NKAIN2: variants seen among roughly 807,000 people sequenced by gnomAD.
NKAIN2 encodes sodium/potassium transporting ATPase interacting 2, also known as sodium/potassium-transporting ATPase subunit beta-1-interacting protein 2.
Under a neutral mutation model 32.6 loss-of-function variants are expected in NKAIN2, and 14 were observed. The ratio of observed to expected loss-of-function variants is 0.43; its 90% CI spans 0.28 to 0.67. NKAIN2 has a LOEUF of 0.67. Ranked by LOEUF, NKAIN2 falls within the 30% of genes least tolerant of loss-of-function variation. The probability of loss-of-function intolerance (pLI) is 0.17; values close to 1 mark genes in which losing one functional copy is unlikely to be tolerated. For missense variants in NKAIN2, 198 were observed against 258.3 expected (o/e 0.77, Z 1.60); for synonymous variants, 80 against 87.2 (o/e 0.92, Z 0.46).
At chr6:124,596,721 A>G (rs992154508) in intron 3 of NKAIN2, among the ~76,000 whole-genome samples, 1 of 151,774 alleles carries the variant, frequency 6.6e-6, no homozygotes, top group Non-Finnish European at 1.5e-5. Context: ...TAATGTATAT[A>G]CAAATAAATA....
rs887032537 is a variant in NKAIN2, at chr6:124,240,580, G to A, written c.55-42425G>A. 4.6e-5 allele frequency among the ~76,000 whole-genome samples: 7 copies of A among 152,096 alleles called. No homozygotes were observed. In the East Asian group the frequency reaches 1.4e-3, roughly 29 times the overall value. On this transcript the variant is annotated intron_variant, in intron 1 of 6. Coordinates refer to ENST00000368417, the MANE Select transcript of NKAIN2 (RefSeq NM_001040214.3). The stretch of plus-strand genomic sequence containing the variant: ...GTCAGCTTCATCCCTGGGATGTGAG[G>A]CTGGTTCAACATACACTAATCAATA...
intron 2 of NKAIN2, among the ~76,000 whole-genome samples, chr6:124,290,784 T>C (rs929363042): frequency 1.3e-5 from 2 of 152,064 alleles, no homozygotes; most frequent in African/African-American, 4.8e-5. Context: ...TTGATATTCA[T>C]TCTGTTTTAA....
intron 1 of NKAIN2, among the ~76,000 whole-genome samples, chr6:124,095,563 A>G (rs565199273): frequency 6.6e-6 from 1 of 152,174 alleles, no homozygotes; most frequent in African/African-American, 2.4e-5. Flanking sequence ...TAATTTTAAC[A>G]TGATGTGTAC....
intron 1 of NKAIN2, among the ~76,000 whole-genome samples, chr6:124,212,022 T>C (rs1265650798): frequency 6.6e-6 from 1 of 152,104 alleles, no homozygotes; most frequent in Non-Finnish European, 1.5e-5. Flanking sequence ...TTGTGGGATT[T>C]ACAGTTTATT....
chr6:124,301,887 G>T (rs562599074), intron 2 of NKAIN2, among the ~76,000 whole-genome samples: 131 of 152,310 alleles, frequency 8.6e-4, no homozygotes, highest in African/African-American at 3.2e-3. Flanking sequence ...TTGGACTGTG[G>T]ACTTTTGAGT....
intron 5 of NKAIN2, among the ~76,000 whole-genome samples, chr6:124,811,107 T>C (rs1780887529): frequency 6.6e-6 from 1 of 152,176 alleles, no homozygotes; most frequent in South Asian, 2.1e-4. Flanking sequence ...TAAGTACCCT[T>C]GGAATTCATA....
intron 2 of NKAIN2, among the ~76,000 whole-genome samples, chr6:124,336,062 A>G (rs1583068378): frequency 1.3e-5 from 2 of 152,358 alleles, no homozygotes; most frequent in East Asian, 1.9e-4. Flanking sequence ...TCATAAAAAT[A>G]TAAAATACCA....
In NKAIN2 at chr6:124,745,723, T is replaced by C. The variant is rs368985291; in HGVS notation, c.475-45616T>C. Reference sequence around the variant, plus strand: ...TATGAATTTTACTGTTATTTCTCAATTGTGTTTCTGTGTATTCTTTAGACA... The same window carrying C: ...TATGAATTTTACTGTTATTTCTCAACTGTGTTTCTGTGTATTCTTTAGACA... On this transcript the variant is annotated intron_variant, in intron 4 of 6. Transcript: ENST00000368417. 1.8e-4 allele frequency among the ~76,000 whole-genome samples: 27 copies of C among 152,024 alleles called. No individual in the cohort carries two copies. The South Asian group carries it at 5.4e-3, about 30-fold the overall frequency.
At chr6:124,745,003 A>T (rs1583780181) in intron 4 of NKAIN2, among the ~76,000 whole-genome samples, 1 of 151,870 alleles carries the variant, frequency 6.6e-6, no homozygotes, top group South Asian at 2.1e-4. Context: ...AGCCCATAAA[A>T]CGCCAGCCAC....
At chr6:124,170,447 G>T (rs1788788019) in intron 1 of NKAIN2, among the ~76,000 whole-genome samples, 2 of 152,272 alleles carry the variant, frequency 1.3e-5, no homozygotes, top group Non-Finnish European at 2.9e-5. Flanking sequence ...TAGAAAGTAT[G>T]CAGGGAGAAG....
At chr6:124,496,304 C>G (rs1161103772) in intron 3 of NKAIN2, among the ~76,000 whole-genome samples, 1 of 152,096 alleles carries the variant, frequency 6.6e-6, no homozygotes, top group East Asian at 1.9e-4. Context: ...ATCTTGCCTT[C>G]CGACTGAGTA....
intron 3 of NKAIN2, among the ~76,000 whole-genome samples, chr6:124,551,121 A>C (rs1780270619): frequency 6.6e-6 from 1 of 152,164 alleles, no homozygotes; most frequent in Non-Finnish European, 1.5e-5. Context: ...AGCTGACTAT[A>C]ATTGAGAAGA....
At chr6:124,036,838 G>A (rs531693849) in intron 1 of NKAIN2, among the ~76,000 whole-genome samples, 2 of 152,180 alleles carry the variant, frequency 1.3e-5, no homozygotes, top group Admixed American at 1.3e-4. Context: ...GTGGCAAGCA[G>A]CTTTCATTTA....
At chr6:124,209,073 T>G (rs1295418497) in intron 1 of NKAIN2, among the ~76,000 whole-genome samples, 1 of 151,558 alleles carries the variant, frequency 6.6e-6, no homozygotes, top group African/African-American at 2.4e-5. Context: ...CCATTCTCCC[T>G]AACTGTATTC....
intron 1 of NKAIN2, among the ~76,000 whole-genome samples, chr6:123,923,790 G>A (rs1258929946): frequency 8.7e-4 from 103 of 118,964 alleles, no homozygotes; most frequent in African/African-American, 3.1e-3. Flanking sequence ...GGGGACTGTT[G>A]TGGGGTGGGG....
chr6:124,338,547 G>A (rs9388315), intron 2 of NKAIN2, among the ~76,000 whole-genome samples: 18,573 of 151,896 alleles, frequency 0.12, 1,212 homozygotes, highest in African/African-American at 0.15. Context: ...TATTTTTCTA[G>A]GCGCTTAACT....
chr6:124,743,528 C>A (rs1485322629), intron 4 of NKAIN2, among the ~76,000 whole-genome samples: 7 of 151,720 alleles, frequency 4.6e-5, no homozygotes, highest in Non-Finnish European at 7.4e-5. Context: ...ATCTCCCGAC[C>A]CTGATTTCCT....
intron 4 of NKAIN2, among the ~76,000 whole-genome samples, chr6:124,786,625 T>A (rs1779517793): frequency 6.6e-6 from 1 of 152,074 alleles, no homozygotes; most frequent in African/African-American, 2.4e-5. Context: ...GACATGTAAT[T>A]CCTTACCAGG....
Position 123,804,097 on chromosome 6 carries a change from C to T in NKAIN2, c.-104C>T, listed in dbSNP as rs1773110677. 7 of 1,052,232 alleles carry T rather than the reference C, an allele frequency of 6.7e-6. No homozygotes were observed. The highest frequency in any genetic ancestry group is 3.8e-5 in the South Asian group (3 of 79,718). 65.2% of individuals were successfully genotyped at this position (1,052,232 alleles called of 1,614,324 possible). A position where few individuals can be genotyped will look rare whatever the true frequency, so the allele number is the denominator to read the frequency against. On this transcript the variant is annotated 5_prime_UTR_variant, in exon 1 of 7. Coordinates refer to ENST00000368417, the MANE Select transcript of NKAIN2 (RefSeq NM_001040214.3). ...AGCAGCAGCCCGGAGCCCCCGAGCC[C>T]TCGGCAGGTTTGCGTGTCCTTCCCC...
Sources: allele counts gnomAD v4.1 joint callset (sites outside exome capture counted in the v4.1 genomes callset), GRCh38; gene constraint gnomAD v4.1.1; transcripts MANE v1.5; gene names NCBI Gene and HGNC (gene_info 2026-07-23, HGNC 2026-07-21).